SHKBP1: variants seen among roughly 807,000 people sequenced by gnomAD.
SHKBP1 encodes SH3KBP1-binding protein 1.
Under a neutral mutation model 83.9 loss-of-function variants are expected in SHKBP1, and 71 were observed. The observed-to-expected ratio is 0.85, with a 90% confidence interval of 0.70 to 1.03. The LOEUF (loss-of-function observed/expected upper bound fraction) is 1.03. Ranked by LOEUF, SHKBP1 falls within the 50% of genes least tolerant of loss-of-function variation. SHKBP1 has a pLI of 0.00. For missense variants in SHKBP1, 824 were observed against 982.4 expected (o/e 0.84, Z 2.16); for synonymous variants, 371 against 398.0 (o/e 0.93, Z 0.81).
intron 6 of SHKBP1, among the ~76,000 whole-genome samples, chr19:40,579,807 G>A (rs2081251595): frequency 6.6e-6 from 1 of 152,052 alleles, no homozygotes; most frequent in African/African-American, 2.4e-5. Context: ...TGAGGTGGGT[G>A]GATCACCTGA....
At chr19:40,587,360 C>T (rs566321295) in intron 13 of SHKBP1, among the ~76,000 whole-genome samples, 9 of 151,818 alleles carry the variant, frequency 5.9e-5, no homozygotes, top group South Asian at 2.1e-4. Flanking sequence ...GAGGCCAAGG[C>T]GGGTAGATTA....
intron 9 of SHKBP1, among the ~76,000 whole-genome samples, chr19:40,581,519 A>G (rs1249532630): frequency 2.1e-4 from 25 of 118,774 alleles, no homozygotes; most frequent in Admixed American, 3.3e-4. Context: ...GTGAGACACC[A>G]TCTCAAAAAA....
chr19:40,589,747 T>A (rs1489300285), intron 15 of SHKBP1, among the ~76,000 whole-genome samples: 2 of 151,904 alleles, frequency 1.3e-5, no homozygotes, highest in Non-Finnish European at 2.9e-5. Flanking sequence ...GAACTGTATG[T>A]GCAGAGGCTG....
rs141174643 is a variant in SHKBP1 at position 40,580,806 on chromosome 19, C to T, written c.714C>T (p.Ile238=). ...CCAGCCCCCGCCTGGACTGGCCCATCGAACGACTGGCGCTCACAGCCCGGG... is the reference window on the plus strand; with the variant it reads ...CCAGCCCCCGCCTGGACTGGCCCATTGAACGACTGGCGCTCACAGCCCGGG... ...VFSSPRLDWP[I]ERLALTARVH... The change falls in exon 9 of 18, where the codon ATC becomes ATT. Residue 238 remains isoleucine, a synonymous_variant. Transcript: ENST00000291842. The T allele has an allele frequency of 1.4e-5, 23 of 1,612,882 alleles. No individual in the cohort carries two copies. The East Asian group carries it at 3.8e-4, about 27-fold the overall frequency.
rs368846080 is a variant in SHKBP1 at position 40,589,067 on chromosome 19, C to T, written c.1493-15C>T. The T allele has an allele frequency of 1.1e-5, 18 of 1,609,524 alleles. No individual in the cohort carries two copies. The highest frequency in any genetic ancestry group is 1.1e-4 in the East Asian group (5 of 44,856). Reference sequence around the variant, plus strand: ...AATCCCAGCTGGCCCTGACCCCTGCCCCTGCCTGGCCCAGGCCCCTACGGT... The same window carrying T: ...AATCCCAGCTGGCCCTGACCCCTGCTCCTGCCTGGCCCAGGCCCCTACGGT... On this transcript the variant is annotated splice_polypyrimidine_tract_variant and intron_variant, in intron 14 of 17. Coordinates refer to ENST00000291842, the MANE Select transcript of SHKBP1 (RefSeq NM_138392.4).
intron 4 of SHKBP1, 57 bp from the exon 5 acceptor site, chr19:40,578,097 C>G: frequency 1.4e-6 from 2 of 1,412,288 alleles, no homozygotes; most frequent in Non-Finnish European, 2.0e-6. Context: ...ACCCTCTCAG[C>G]ATTCTCTGTT....
intron 12 of SHKBP1, among the ~76,000 whole-genome samples, chr19:40,583,998 G>A (rs1187795384): frequency 1.3e-5 from 2 of 152,132 alleles, no homozygotes; most frequent in South Asian, 2.1e-4. Context: ...CCACTGCCAC[G>A]CCTGGCTAAT....
intron 14 of SHKBP1, 124 bp from the exon 15 acceptor site, chr19:40,588,958 G>A (rs942567998): frequency 1.6e-6 from 2 of 1,288,944 alleles, no homozygotes; most frequent in Non-Finnish European, 2.2e-6. Context: ...CTCTGGCCCT[G>A]CCCAACTCTA....
Position 40,577,387 on chromosome 19 carries a change from T to C in SHKBP1, c.141-9T>C, listed in dbSNP as rs776871721. ...CCCGTGACGCCTGCTCGGTGTCCCT[T>C]CCCTGCAGTCTTCTGAGCGGACGCA... On this transcript the variant is annotated splice_polypyrimidine_tract_variant and intron_variant, in intron 2 of 17. Transcript: ENST00000291842. The C allele has an allele frequency of 2.2e-5, 36 of 1,613,336 alleles. No homozygotes were observed. The South Asian group carries it at 4.0e-4, about 18-fold the overall frequency.
chr19:40,580,186 T>G, intron 6 of SHKBP1, 138 bp from the exon 7 acceptor site: 1 of 966,060 alleles, frequency 1.0e-6, no homozygotes, highest in Non-Finnish European at 1.5e-6. Context: ...TCATGCTGTG[T>G]CACTGCACCA....
intron 6 of SHKBP1, among the ~76,000 whole-genome samples, 188 bp downstream of exon 6, chr19:40,578,730 C>A (rs1405852147): frequency 6.6e-6 from 1 of 152,118 alleles, no homozygotes; most frequent in Admixed American, 6.5e-5. Context: ...AGACAATGGG[C>A]CAGCTAACTC....
At chr19:40,586,112 T>C (rs756702424) in intron 12 of SHKBP1, among the ~76,000 whole-genome samples, 1 of 152,144 alleles carries the variant, frequency 6.6e-6, no homozygotes, top group Non-Finnish European at 1.5e-5. Flanking sequence ...TCTCACTATG[T>C]TGCCCAGGCT....
rs1279359672 is a variant in SHKBP1 at position 40,586,920 on chromosome 19, C to A, written c.1312C>A (p.Leu438Met). ...CCGCAGCCCTGTCACCAAGATCATG[C>A]TGTCGGAGAAGCACCTCATCTCAGG... is the stretch of plus-strand genomic sequence containing the variant. ...VHRSPVTKIM[L>M]SEKHLISVCA... Residue 438 changes from leucine (L) to methionine (M), a missense_variant, in exon 13 of 18, where the codon CTG becomes ATG. Leu to Met is a conservative substitution (Grantham distance 15). Coordinates refer to ENST00000291842, the MANE Select transcript of SHKBP1 (RefSeq NM_138392.4). 1 of 1,605,976 alleles carries A rather than the reference C, an allele frequency of 6.2e-7. No individual in the cohort carries two copies. The highest frequency in any genetic ancestry group is 8.5e-7 in the Non-Finnish European group (1 of 1,174,096).
chr19:40,590,502 C>A lies in SHKBP1; in HGVS notation c.1768+80C>A. 1 of 1,481,162 alleles carries A rather than the reference C, an allele frequency of 6.8e-7. No homozygotes were observed. The highest frequency in any genetic ancestry group is 9.2e-7 in the Non-Finnish European group (1 of 1,092,304). 91.8% of individuals were successfully genotyped at this position (1,481,162 alleles called of 1,614,324 possible). A position where few individuals can be genotyped will look rare whatever the true frequency, so the allele number is the denominator to read the frequency against. ...CACTCTCCACTGCCAACTGCTTGAT[C>A]TCTCTCCCAGGCCCTTGCCCTCTGA... On this transcript the variant is annotated intron_variant, in intron 16 of 17. Transcript: ENST00000291842. This position sits in a 1 kb window ranked among gnomAD's most constrained non-coding sequence, Gnocchi z 4.6.
At position 40,578,224 on chromosome 19, in the gene SHKBP1, C is replaced by T. The variant is rs767140672; in HGVS notation, c.319+12C>T. 1.9e-6 allele frequency: 3 copies of T among 1,612,976 alleles called. No individual in the cohort carries two copies. The highest frequency in any genetic ancestry group is 2.5e-6 in the Non-Finnish European group (3 of 1,178,968). On this transcript the variant is annotated intron_variant, in intron 5 of 17. Transcript: ENST00000291842. ...GCTCACTCCTCTGGGTAAGTGGGAGCCCCCAGCTATCATCCTCATTGTATA... is the reference window on the plus strand; with the variant it reads ...GCTCACTCCTCTGGGTAAGTGGGAGTCCCCAGCTATCATCCTCATTGTATA...
intron 6 of SHKBP1, 94 bp downstream of exon 6, chr19:40,578,636 C>G (rs2081242604): frequency 8.9e-7 from 1 of 1,122,524 alleles, no homozygotes; most frequent in Non-Finnish European, 1.3e-6. Context: ...TGCTGTGCGT[C>G]CTGAGATACA....
At position 40,590,257 on chromosome 19, in the gene SHKBP1, C is replaced by G. The variant is rs561324749; in HGVS notation, c.1603C>G (p.Arg535Gly). Residue 535 changes from arginine (R) to glycine (G), a missense_variant, in exon 16 of 18, where the codon CGC (arginine) becomes GGC (glycine). Around this residue, in one of 3 missense-constraint regions of SHKBP1, gnomAD observed 287 missense variants for 322.9 expected, o/e 0.89. Coordinates refer to ENST00000291842, the MANE Select transcript of SHKBP1 (RefSeq NM_138392.4). The surrounding 1 kb of genome is among the most constrained non-coding windows in gnomAD (Gnocchi z 4.6). Reference protein sequence around the residue: ...SSTGQRVCSVRSVDGSPTTAF... With the variant: ...SSTGQRVCSVGSVDGSPTTAF... ...TGCACCCCCCAGGGTGTGCTCCGTG[C>G]GCTCCGTGGACGGCTCACCCACGAC... is the stretch of plus-strand genomic sequence containing the variant. 1.3e-6 allele frequency: 2 copies of G among 1,594,342 alleles called. No individual in the cohort carries two copies. Among genetic ancestry groups the G allele is most frequent in the African/African-American group, 2.7e-5 (2 of 74,408 alleles).
At chr19:40,578,600 A>T (rs2081242151) in intron 6 of SHKBP1, 58 bp downstream of exon 6, 2 of 1,500,940 alleles carry the variant, frequency 1.3e-6, no homozygotes, top group South Asian at 2.3e-5. Context: ...TACATTTCCC[A>T]TAAGGCTGCA....
intron 6 of SHKBP1, 41 bp downstream of exon 6, chr19:40,578,583 C>A: frequency 6.4e-7 from 1 of 1,563,692 alleles, no homozygotes; most frequent in Non-Finnish European, 8.8e-7. Flanking sequence ...GGAGGTGGGC[C>A]AAAGACTACA....
Sources: gnomAD v4.1 joint callset for allele counts (sites outside exome capture counted in the v4.1 genomes callset) on GRCh38, gnomAD v4.1.1 for gene constraint, gnomAD v4.1.1 regional missense constraint, Gnocchi (gnomAD v3.1) non-coding constraint, MANE v1.5 for transcripts, NCBI Gene and HGNC (gene_info 2026-07-23, HGNC 2026-07-21) for gene names.